Variants in TMEM260 observed in about 807,000 individuals in gnomAD.
TMEM260 encodes the protein protein O-mannosyl-transferase TMEM260.
Under a neutral mutation model 88.9 loss-of-function variants are expected in TMEM260, and 82 were observed. That is an observed-to-expected ratio of 0.92 (90% CI 0.77 to 1.11). TMEM260 has a LOEUF of 1.11. Ranked by LOEUF, TMEM260 falls within the 50% of genes least tolerant of loss-of-function variation. TMEM260 has a pLI of 0.00. For missense variants in TMEM260, 902 were observed against 853.4 expected, an observed-to-expected ratio of 1.06 and a Z score of -0.71; for synonymous variants, 314 against 309.3, an observed-to-expected ratio of 1.02 and a Z score of -0.16.
chr14:56,603,888 T>G lies in TMEM260; in HGVS notation c.418T>G (p.Ser140Ala), dbSNP rs143592775. 2.5e-6 allele frequency: 4 copies of G among 1,613,962 alleles called. No individual in the cohort carries two copies. Among genetic ancestry groups the G allele is most frequent in the Non-Finnish European group, 3.4e-6 (4 of 1,179,888 alleles). ...FSFSRLTWQW[S>A]IAAEVFSLNN... ...ATTTTCTCGTCTAACATGGCAGTGG[T>G]CCATTGCAGCAGAGGTTTTTAGCTT... The change falls in exon 4 of 16, where the codon TCC becomes GCC. Residue 140 changes from serine to alanine, a missense_variant. Coordinates refer to ENST00000261556, the MANE Select transcript of TMEM260 (RefSeq NM_017799.4).
chr14:56,636,204 CTTTTCCT>C (rs1007287778), intron 14 of TMEM260, among the ~76,000 whole-genome samples: 4 of 152,124 alleles, frequency 2.6e-5, no homozygotes, highest in African/African-American at 9.7e-5. Context: ...GCAGGTTTCC[CTTTTCCT>C]GGCTTCTCTT....
intron 13 of TMEM260, 54 bp downstream of exon 13, chr14:56,633,225 CA>C (rs1334329110): frequency 6.4e-6 from 9 of 1,401,328 alleles, no homozygotes; most frequent in South Asian, 1.4e-5. Flanking sequence ...TTTGAATACC[CA>C]AAAAAACTAC....
rs1047505027 is a variant in TMEM260, at chr14:56,605,809, G to A, written c.636+126G>A. ...TTCATGTAAAGCATAAATAACCCTAGGGCCTAACAATATTGACTGAAAAAA... is the reference window on the plus strand; with the variant it reads ...TTCATGTAAAGCATAAATAACCCTAAGGCCTAACAATATTGACTGAAAAAA... On this transcript the variant is annotated intron_variant, in intron 5 of 15. Coordinates refer to ENST00000261556, the MANE Select transcript of TMEM260 (RefSeq NM_017799.4). 1.3e-5 allele frequency: 7 copies of A among 554,432 alleles called. No homozygotes were observed. The African/African-American group carries it at 1.4e-4, about 11-fold the overall frequency. 34.3% of individuals were successfully genotyped at this position (554,432 alleles called of 1,614,324 possible).
the TMEM260 span, among the ~76,000 whole-genome samples, chr14:56,659,248 TTTTTTGG>T: frequency 2.9e-5 from 4 of 140,034 alleles, no homozygotes; most frequent in Admixed American, 7.1e-5. Context: ...AGGGTTTTTG[TTTTTTGG>T]TTTTTGTTTT....
chr14:56,609,304 C>A lies in TMEM260; in HGVS notation c.816+19C>A, dbSNP rs752060741. 2 of 1,610,134 alleles carry A rather than the reference C, an allele frequency of 1.2e-6. No individual in the cohort carries two copies. The highest frequency in any genetic ancestry group is 2.2e-5 in the East Asian group (1 of 44,822). ...CAGCCTGGTAAATTCAGATTTAAAGCCCTTCTAAGGAAACAAGTGGCAAAA... is the reference window on the plus strand; with the variant it reads ...CAGCCTGGTAAATTCAGATTTAAAGACCTTCTAAGGAAACAAGTGGCAAAA... On this transcript the variant is annotated intron_variant, in intron 6 of 15. Transcript: ENST00000261556.
chr14:56,618,348 C>T (rs2139591094), intron 9 of TMEM260, among the ~76,000 whole-genome samples: 1 of 152,182 alleles, frequency 6.6e-6, no homozygotes, highest in East Asian at 1.9e-4. Flanking sequence ...AGACTAAGGC[C>T]ACAGTATTGA....
intron 9 of TMEM260, among the ~76,000 whole-genome samples, chr14:56,618,021 C>T (rs766136086): frequency 1.3e-5 from 2 of 152,186 alleles, no homozygotes; most frequent in Non-Finnish European, 2.9e-5. Context: ...TAGTCATAGG[C>T]AGTGCTGTGC....
chr14:56,651,256 A>G (rs941819817), downstream of TMEM260, among the ~76,000 whole-genome samples: 2 of 152,202 alleles, frequency 1.3e-5, no homozygotes, highest in African/African-American at 2.4e-5. Context: ...CAGCCCCAGG[A>G]ATAGTACAGT....
At chr14:56,588,889 A>G (rs1885679459) in intron 3 of TMEM260, among the ~76,000 whole-genome samples, 2 of 152,110 alleles carry the variant, frequency 1.3e-5, no homozygotes, top group South Asian at 4.1e-4. Flanking sequence ...TTTTAAGGCT[A>G]TTAAAGTAAA....
At chr14:56,626,298 G>C (rs1888241356) in intron 12 of TMEM260, among the ~76,000 whole-genome samples, 1 of 152,078 alleles carries the variant, frequency 6.6e-6, no homozygotes, top group African/African-American at 2.4e-5. Context: ...CGACAGTAAT[G>C]GTTATAAATG....
At chr14:56,600,767 A>G (rs572578637) in intron 3 of TMEM260, among the ~76,000 whole-genome samples, 6 of 152,346 alleles carry the variant, frequency 3.9e-5, no homozygotes, top group African/African-American at 1.2e-4. Context: ...TTTTGTGTGC[A>G]GTACATTAGG....
intron 12 of TMEM260, 25 bp from the exon 13 acceptor site, chr14:56,632,970 T>A: frequency 6.3e-7 from 1 of 1,592,538 alleles, no homozygotes; most frequent in Non-Finnish European, 8.6e-7. Context: ...TTTAAGTACA[T>A]CATGTATTTT....
Position 56,617,192 on chromosome 14 carries a change from G to C in TMEM260, c.951G>C (p.Gln317His). Residue 317 changes from glutamine to histidine, a missense_variant, in exon 9 of 16, where the codon CAG (glutamine) becomes CAC (histidine). Coordinates refer to ENST00000261556, the MANE Select transcript of TMEM260 (RefSeq NM_017799.4). ...TTATTATTTTTTGTAGGGACAGACA[G>C]AATCCATCATTAGTATGGCTTTTTA... ...ANICLATKDR[Q>H]NPSLVWLFTG... is the part of the protein sequence containing the mutation. 6.3e-7 allele frequency: 1 copy of C among 1,587,138 alleles called. No individual in the cohort carries two copies. The highest frequency in any genetic ancestry group is 8.6e-7 in the Non-Finnish European group (1 of 1,167,312).
At position 56,596,458 on chromosome 14, in the gene TMEM260, A is replaced by C. The variant is rs368897713; in HGVS notation, c.345-7357A>C. On this transcript the variant is annotated intron_variant, in intron 3 of 15. Transcript: ENST00000261556. ...CACACATATACATATATATAGAGAGATATATTTTTAATTAAAAAATATATC... is the reference window on the plus strand; with the variant it reads ...CACACATATACATATATATAGAGAGCTATATTTTTAATTAAAAAATATATC... 2.7e-5 allele frequency among the ~76,000 whole-genome samples: 4 copies of C among 149,234 alleles called. No homozygotes were observed. In the East Asian group the frequency reaches 5.9e-4, roughly 22 times the overall value.
chr14:56,590,718 G>A (rs2139512904), intron 3 of TMEM260, among the ~76,000 whole-genome samples: 1 of 152,332 alleles, frequency 6.6e-6, no homozygotes, highest in Non-Finnish European at 1.5e-5. Flanking sequence ...CTGATTAATA[G>A]CAGTGCTTAT....
chr14:56,622,969 A>G (rs1400045032), intron 11 of TMEM260, among the ~76,000 whole-genome samples: 3 of 152,170 alleles, frequency 2.0e-5, no homozygotes, highest in Non-Finnish European at 2.9e-5. Flanking sequence ...GTTCCACACT[A>G]TGATTTTAAA....
At chr14:56,601,962 G>A (rs781240951) in intron 3 of TMEM260, among the ~76,000 whole-genome samples, 1 of 151,974 alleles carries the variant, frequency 6.6e-6, no homozygotes, top group Non-Finnish European at 1.5e-5. Flanking sequence ...TGCTAATTTC[G>A]GTTTTAAATA....
chr14:56,658,647 A>G, the TMEM260 span, among the ~76,000 whole-genome samples: 1 of 152,202 alleles, frequency 6.6e-6, no homozygotes, highest in African/African-American at 2.4e-5. Context: ...AGGAAAGACA[A>G]GAGAGTGTCC....
chr14:56,622,895 C>G (rs187922413), intron 11 of TMEM260, among the ~76,000 whole-genome samples: 3 of 151,794 alleles, frequency 2.0e-5, no homozygotes, highest in Non-Finnish European at 2.9e-5. Flanking sequence ...TCATGGATGC[C>G]GATTGATTAA....
Sources: allele counts gnomAD v4.1 joint callset (sites outside exome capture counted in the v4.1 genomes callset), GRCh38; gene constraint gnomAD v4.1.1; transcripts MANE v1.5; gene names NCBI Gene and HGNC (gene_info 2026-07-23, HGNC 2026-07-21).